The following DUT variants were observed in gnomAD, a reference collection of about 807,000 sequenced individuals.
DUT encodes the protein deoxyuridine 5'-triphosphate nucleotidohydrolase, mitochondrial.
DUT carries 21 observed loss-of-function variants against 28.8 expected under a neutral mutation model. That is an observed-to-expected ratio of 0.73 (90% CI 0.52 to 1.05). DUT has a LOEUF of 1.05. Ranked by LOEUF, DUT falls within the 50% of genes least tolerant of loss-of-function variation. DUT has a pLI of 0.00. For missense variants in DUT, 344 were observed against 351.8 expected (o/e 0.98, Z 0.18); for synonymous variants, 147 against 143.7 (o/e 1.02, Z -0.17).
chr15:48,332,608 T>C, intron 2 of DUT: 2 of 704,962 alleles, frequency 2.8e-6, no homozygotes, highest in South Asian at 1.5e-5. Flanking sequence ...GTAAAATAGC[T>C]ATACGGTGTC....
chr15:48,341,366 A>T lies in DUT; in HGVS notation c.631+3A>T. The T allele has an allele frequency of 6.2e-7, 1 of 1,600,598 alleles. No individual in the cohort carries two copies. Among genetic ancestry groups the T allele is most frequent in the South Asian group, 1.1e-5 (1 of 90,698 alleles). ...TTTTGGCAAAGAAAAGTTTGAAGGTATGTTAAATATATACATTCACATAAT... is the reference window on the plus strand; with the variant it reads ...TTTTGGCAAAGAAAAGTTTGAAGGTTTGTTAAATATATACATTCACATAAT... On this transcript the variant is annotated splice_donor_region_variant and intron_variant, in intron 5 of 6. Transcript: ENST00000331200.
At chr15:48,336,205 G>T in intron 4 of DUT, 115 bp downstream of exon 4, 1 of 850,236 alleles carries the variant, frequency 1.2e-6, no homozygotes, top group Non-Finnish European at 1.7e-6. Flanking sequence ...TTAGAGGAAA[G>T]CTTGTTATAA....
rs750884874 is a variant in DUT, at chr15:48,331,659, C to G, written c.144C>G (p.Ala48=). 3 of 1,536,826 alleles carry G rather than the reference C, an allele frequency of 2.0e-6. No individual in the cohort carries two copies. Among genetic ancestry groups the G allele is most frequent in the Non-Finnish European group, 2.6e-6 (3 of 1,141,468 alleles). Residue 48 remains alanine, a synonymous_variant, in exon 1 of 7, where the codon GCC becomes GCG. Coordinates refer to ENST00000331200, the MANE Select transcript of DUT (RefSeq NM_001025248.2). Reference sequence around the variant, plus strand: ...GGCCAGGCCCGCCCCTCGGCCGCGCCGCGCAGCACGGGATTCCCCGGCCGC... The same window carrying G: ...GGCCAGGCCCGCCCCTCGGCCGCGCGGCGCAGCACGGGATTCCCCGGCCGC... ...LSGPGPPLGR[A]AQHGIPRPLS... is the part of the protein sequence containing the mutation.
Position 48,341,558 on chromosome 15 carries a change from T to C in DUT, c.675T>C (p.Ile225=). ...DRIAQLICER[I]FYPEIEEVQA... is the part of the protein sequence containing the mutation. ...TTGCACAGCTCATTTGCGAACGGAT[T>C]TTTTATCCAGAAATAGAAGAAGTTC... Residue 225 remains isoleucine, a synonymous_variant, in exon 6 of 7, where the codon ATT becomes ATC. Coordinates refer to ENST00000331200, the MANE Select transcript of DUT (RefSeq NM_001025248.2). 6.2e-7 allele frequency: 1 copy of C among 1,612,956 alleles called. No homozygotes were observed. The highest frequency in any genetic ancestry group is 8.5e-7 in the Non-Finnish European group (1 of 1,179,368).
chr15:48,332,341 G>T lies in DUT; in HGVS notation c.354G>T (p.Arg118=), dbSNP rs1295541564. 6.2e-7 allele frequency: 1 copy of T among 1,606,460 alleles called. No homozygotes were observed. The highest frequency in any genetic ancestry group is 2.2e-5 in the East Asian group (1 of 44,522). The change falls in exon 2 of 7, where the codon CGG becomes CGT. Residue 118 remains arginine, a synonymous_variant. Coordinates refer to ENST00000331200, the MANE Select transcript of DUT (RefSeq NM_001025248.2). ...EVGGMQLRFA[R]LSEHATAPTR... ...GCGGCATGCAGCTCCGCTTTGCCCG[G>T]CTCTCCGAGCACGCCACGGCCCCCA... is the stretch of plus-strand genomic sequence containing the variant.
intron 2 of DUT, chr15:48,332,675 G>C (rs1170261803): frequency 3.1e-6 from 2 of 649,594 alleles, no homozygotes; most frequent in Non-Finnish European, 5.7e-6. Context: ...AAGATAGAGA[G>C]GAAGGCCCAT....
Position 48,331,769 on chromosome 15 carries a change from C to CG in DUT, c.260dup (p.Ser88LysfsTer15), listed in dbSNP as rs1319818877. On this transcript the variant is annotated frameshift_variant, in exon 1 of 7. Transcript: ENST00000331200. LOFTEE classifies it high-confidence loss of function. Reference sequence around the variant, plus strand: ...GGCTGGAAGGGCGAGCTTCCTAAGGCGGGGGGAAGCCCGGCGCCGGGGCCG... The same window carrying CG: ...GGCTGGAAGGGCGAGCTTCCTAAGGCGGGGGGGAAGCCCGGCGCCGGGGCCG... The CG allele has an allele frequency of 2.4e-5, 34 of 1,388,850 alleles. No homozygotes were observed. Among genetic ancestry groups the CG allele is most frequent in the African/African-American group, 4.6e-5 (3 of 65,496 alleles). 86.0% of individuals were successfully genotyped at this position (1,388,850 alleles called of 1,614,324 possible). A position where few individuals can be genotyped will look rare whatever the true frequency, so the allele number is the denominator to read the frequency against.
In DUT at chr15:48,331,620, C is replaced by T; in HGVS notation, c.105C>T (p.Ala35=). ...NARGARQRAE[A]AVLSGPGPPL... is the part of the protein sequence containing the mutation. ...GAGGCGCACGGCAGAGGGCCGAAGC[C>T]GCGGTACTCTCCGGGCCAGGCCCGC... Residue 35 remains alanine, a synonymous_variant, in exon 1 of 7, where the codon GCC becomes GCT. Transcript: ENST00000331200. The T allele has an allele frequency of 1.3e-6, 2 of 1,553,600 alleles. No homozygotes were observed. Among genetic ancestry groups the T allele is most frequent in the Non-Finnish European group, 1.7e-6 (2 of 1,150,314 alleles).
At chr15:48,332,186 C>T in intron 1 of DUT, 82 bp from the exon 2 acceptor site, 3 of 1,489,492 alleles carry the variant, frequency 2.0e-6, no homozygotes, top group Admixed American at 2.3e-5. Context: ...GCGCTCCCTG[C>T]GGCGACGCTC....
intron 2 of DUT, 107 bp from the exon 3 acceptor site, chr15:48,334,306 CATTA>C: frequency 3.4e-6 from 2 of 591,766 alleles, no homozygotes; most frequent in Non-Finnish European, 5.5e-6. Flanking sequence ...ACTAAAGTTG[CATTA>C]ATTCATTAAA....
intron 4 of DUT, among the ~76,000 whole-genome samples, chr15:48,337,268 AT>A (rs760581293): frequency 5.9e-5 from 9 of 152,362 alleles, no homozygotes; most frequent in Non-Finnish European, 1.3e-4. Flanking sequence ...ATGTTCAAAA[AT>A]GCTTTTACAA....
In DUT at chr15:48,343,205, C is replaced by G. The variant is rs2042560348; in HGVS notation, c.*1127C>G. ...GCAAGAGTGTTCTTTTCTGGTGATT[C>G]TCCAGGCCATTTAATACCCTGCAAT... is the stretch of plus-strand genomic sequence containing the variant. On this transcript the variant is annotated 3_prime_UTR_variant, in exon 7 of 7. Coordinates refer to ENST00000331200, the MANE Select transcript of DUT (RefSeq NM_001025248.2). The G allele has an allele frequency of 1.3e-5, 2 of 152,162 alleles. No individual in the cohort carries two copies. The highest frequency in any genetic ancestry group is 6.5e-5 in the Admixed American group (1 of 15,272). The allele number at this position is 152,162 out of a possible 1,614,324, so 9.4% of individuals were successfully genotyped here. A position where few individuals can be genotyped will look rare whatever the true frequency, so the allele number is the denominator to read the frequency against.
chr15:48,341,449 AT>A, intron 5 of DUT, 65 bp from the exon 6 acceptor site: 1 of 1,565,450 alleles, frequency 6.4e-7, no homozygotes, highest in Non-Finnish European at 8.8e-7. Context: ...TTTAATTCTC[AT>A]TGAATAAGAC....
At chr15:48,341,925 G>A (rs1663888093) in intron 6 of DUT, 97 bp from the exon 7 acceptor site, 1 of 888,340 alleles carries the variant, frequency 1.1e-6, no homozygotes. Flanking sequence ...TATAGCAAGA[G>A]TAGAATTCTG....
Position 48,332,372 on chromosome 15 carries a change from GGCTCCGCGC to G in DUT, c.388_396del (p.Ser130_Arg132del). 6.3e-7 allele frequency: 1 copy of G among 1,589,760 alleles called. No individual in the cohort carries two copies. Among genetic ancestry groups the G allele is most frequent in the Non-Finnish European group, 8.5e-7 (1 of 1,170,590 alleles). On this transcript the variant is annotated inframe_deletion, in exon 2 of 7. Coordinates refer to ENST00000331200, the MANE Select transcript of DUT (RefSeq NM_001025248.2). The stretch of plus-strand genomic sequence containing the variant: ...CGAGCACGCCACGGCCCCCACCCGG[GGCTCCGCGC>G]GCGCCGCGGGCTACGACCTGTACAG...
intron 4 of DUT, 107 bp from the exon 5 acceptor site, chr15:48,341,182 G>C (rs567426583): frequency 3.0e-6 from 2 of 673,556 alleles, no homozygotes; most frequent in Admixed American, 3.3e-5. Context: ...TTATTCAATT[G>C]TAAGAATACA....
chr15:48,331,410 C>T (rs1340460451), upstream of DUT: 2 of 1,512,924 alleles, frequency 1.3e-6, no homozygotes, highest in East Asian at 5.0e-5. Context: ...GCGGCGGCTG[C>T]GACTGCTTCC....
rs2061631396 is a variant in DUT at position 48,331,807 on chromosome 15, G to A, written c.280+12G>A. On this transcript the variant is annotated intron_variant, in intron 1 of 6. Transcript: ENST00000331200. ...GGCGCCGGGGCCGGGTAGGAAAGGC[G>A]GGGGAGGGGCTCCGGCCGTCTGGAA... is the stretch of plus-strand genomic sequence containing the variant. 9 of 1,364,714 alleles carry A rather than the reference G, an allele frequency of 6.6e-6. No homozygotes were observed. Among genetic ancestry groups the A allele is most frequent in the Non-Finnish European group, 6.6e-6 (7 of 1,065,004 alleles). The allele number at this position is 1,364,714 out of a possible 1,614,324, so 84.5% of individuals were successfully genotyped here. A position where few individuals can be genotyped will look rare whatever the true frequency, so the allele number is the denominator to read the frequency against.
intron 1 of DUT, 113 bp from the exon 2 acceptor site, chr15:48,332,155 G>A (rs913687405): frequency 1.1e-4 from 162 of 1,430,512 alleles, no homozygotes; most frequent in Middle Eastern, 1.0e-3. Context: ...GGCGGGGCTG[G>A]CGGGAAATTT....
Sources: gnomAD v4.1 joint callset for allele counts (sites outside exome capture counted in the v4.1 genomes callset) on GRCh38, gnomAD v4.1.1 for gene constraint, MANE v1.5 for transcripts, NCBI Gene and HGNC (gene_info 2026-07-23, HGNC 2026-07-21) for gene names.